N4BP2L2: variants seen among roughly 807,000 people sequenced by gnomAD.
N4BP2L2 encodes the protein NEDD4-binding protein 2-like 2.
Under a neutral mutation model 56.2 loss-of-function variants are expected in N4BP2L2, and 50 were observed. The ratio of observed to expected loss-of-function variants is 0.89; its 90% CI spans 0.71 to 1.13. The LOEUF (loss-of-function observed/expected upper bound fraction) is 1.13. Among genes scored for constraint, N4BP2L2 ranks in the 50% most tolerant of loss-of-function variants. The pLI is 0.00. For missense variants in N4BP2L2, 689 were observed against 693.8 expected (o/e 0.99, Z 0.08); for synonymous variants, 203 against 223.6 (o/e 0.91, Z 0.82).
At chr13:32,455,738 C>A (rs1015816908) in intron 6 of N4BP2L2, among the ~76,000 whole-genome samples, 3 of 152,176 alleles carry the variant, frequency 2.0e-5, no homozygotes, top group Non-Finnish European at 4.4e-5. Context: ...AAGCCCACTA[C>A]CCTGGGGCCT....
At chr13:32,503,437 T>C (rs1367946418) in intron 6 of N4BP2L2, among the ~76,000 whole-genome samples, 1 of 152,092 alleles carries the variant, frequency 6.6e-6, no homozygotes, top group Non-Finnish European at 1.5e-5. Context: ...AAAGCAAGAC[T>C]AGTATTAATC....
At chr13:32,493,933 C>T (rs2087811899) in intron 6 of N4BP2L2, among the ~76,000 whole-genome samples, 1 of 152,110 alleles carries the variant, frequency 6.6e-6, no homozygotes, top group African/African-American at 2.4e-5. Context: ...TGACTGTAAG[C>T]GGTAAGTTAT....
chr13:32,476,250 G>A (rs1478697264), intron 6 of N4BP2L2, among the ~76,000 whole-genome samples: 1 of 152,152 alleles, frequency 6.6e-6, no homozygotes, highest in Admixed American at 6.6e-5. Flanking sequence ...TGTAAACTTA[G>A]GGCTTTTTGT....
intron 6 of N4BP2L2, among the ~76,000 whole-genome samples, chr13:32,454,476 A>G (rs2078623428): frequency 6.6e-6 from 1 of 152,180 alleles, no homozygotes; most frequent in Admixed American, 6.5e-5. Flanking sequence ...TAAAATTTCT[A>G]ATTTTCACAA....
intron 3 of N4BP2L2, chr13:32,524,340 A>T (rs1813155575): frequency 3.3e-5 from 5 of 152,242 alleles, no homozygotes; most frequent in Admixed American, 2.0e-4. Context: ...CCAGAAAAGA[A>T]GTTTTATTGA....
At chr13:32,538,325 G>A (rs1337316722) in intron 1 of N4BP2L2, among the ~76,000 whole-genome samples, 1 of 152,100 alleles carries the variant, frequency 6.6e-6, no homozygotes, top group African/African-American at 2.4e-5. Context: ...GAAAAGTCCC[G>A]AAGAAAAGCA....
At chr13:32,457,325 G>C (rs2079139505) in intron 6 of N4BP2L2, among the ~76,000 whole-genome samples, 1 of 152,160 alleles carries the variant, frequency 6.6e-6, no homozygotes, top group African/African-American at 2.4e-5. Flanking sequence ...TAATGAAATA[G>C]TAGCTGAAAA....
chr13:32,475,533 A>G (rs1421228847), intron 6 of N4BP2L2, among the ~76,000 whole-genome samples: 1 of 152,220 alleles, frequency 6.6e-6, no homozygotes, highest in African/African-American at 2.4e-5. Context: ...TACATAATGC[A>G]CAGGGAAGGC....
intron 6 of N4BP2L2, among the ~76,000 whole-genome samples, chr13:32,500,468 T>C (rs1486085427): frequency 6.6e-6 from 1 of 150,794 alleles, no homozygotes; most frequent in Non-Finnish European, 1.5e-5. Flanking sequence ...GCAGTGGCTC[T>C]TGCCCATAAT....
chr13:32,492,273 ATTT>A (rs72053635), intron 6 of N4BP2L2, among the ~76,000 whole-genome samples: 19 of 72,136 alleles, frequency 2.6e-4, no homozygotes, highest in African/African-American at 6.2e-4. Flanking sequence ...AAACACCAAA[ATTT>A]TTTTTTTTTT....
intron 6 of N4BP2L2, among the ~76,000 whole-genome samples, chr13:32,479,414 C>T (rs2084084001): frequency 6.6e-6 from 1 of 151,518 alleles, no homozygotes; most frequent in African/African-American, 2.4e-5. Context: ...ACTACAGGCG[C>T]CCGCCACCAC....
chr13:32,525,308 C>T (rs2052397273), intron 3 of N4BP2L2: 1 of 152,052 alleles, frequency 6.6e-6, no homozygotes, highest in African/African-American at 2.4e-5. Flanking sequence ...CTATGCCACC[C>T]TCTAATATAT....
rs35925361 is a variant in N4BP2L2 at position 32,526,818 on chromosome 13, G to GTTTTTTTTTTTTTTTTTTTTTTTTTTTTT, written c.1384+589_1384+590insAAAAAAAAAAAAAAAAAAAAAAAAAAAAA. On this transcript the variant is annotated intron_variant, in intron 3 of 5. Coordinates refer to ENST00000267068, the Ensembl canonical transcript of N4BP2L2. ...CTGAGGCCAGGCACACTTTTTGTCT[G>GTTTTTTTTTTTTTTTTTTTTTTTTTTTTT]TTTTTTTTTTTTTTTTTTTTTTTTT... The GTTTTTTTTTTTTTTTTTTTTTTTTTTTTT allele has an allele frequency of 1.6e-4, 4 of 24,244 alleles. 2 individuals carry two copies. The highest frequency in any genetic ancestry group is 5.5e-4 in the African/African-American group (4 of 7,326). The allele number at this position is 24,244 out of a possible 1,614,324, so 1.5% of individuals were successfully genotyped here.
chr13:32,434,651 G>A (rs2075272302), intron 9 of N4BP2L2, among the ~76,000 whole-genome samples: 1 of 152,118 alleles, frequency 6.6e-6, no homozygotes, highest in African/African-American at 2.4e-5. Flanking sequence ...GCACCGACTT[G>A]TGGCTCCCAG....
intron 6 of N4BP2L2, among the ~76,000 whole-genome samples, chr13:32,502,315 G>A (rs945025796): frequency 6.6e-6 from 1 of 151,972 alleles, no homozygotes; most frequent in South Asian, 2.1e-4. Flanking sequence ...GGCCTCATGT[G>A]ATCCACCCTC....
chr13:32,530,167 A>C (rs1295818574), intron 2 of N4BP2L2, among the ~76,000 whole-genome samples: 3 of 152,244 alleles, frequency 2.0e-5, no homozygotes, highest in Admixed American at 6.5e-5. Flanking sequence ...TCAACAATAC[A>C]TATGAACAAA....
rs35925361 is a variant in N4BP2L2, at chr13:32,526,818, G to GTTTTTTTTTTTTTTTTTTTTTTTTTTT, written c.1384+563_1384+589dup. ...CTGAGGCCAGGCACACTTTTTGTCT[G>GTTTTTTTTTTTTTTTTTTTTTTTTTTT]TTTTTTTTTTTTTTTTTTTTTTTTT... On this transcript the variant is annotated intron_variant, in intron 3 of 5. Transcript: ENST00000267068. 1.2e-4 allele frequency: 3 copies of GTTTTTTTTTTTTTTTTTTTTTTTTTTT among 24,244 alleles called. 1 individual carries two copies. Among genetic ancestry groups the GTTTTTTTTTTTTTTTTTTTTTTTTTTT allele is most frequent in the African/African-American group, 4.1e-4 (3 of 7,326 alleles). 1.5% of individuals were successfully genotyped at this position (24,244 alleles called of 1,614,324 possible).
exon 2 of N4BP2L2, chr13:32,536,432 G>A (rs756378236): frequency 4.6e-5 from 74 of 1,613,672 alleles, no homozygotes; most frequent in Non-Finnish European, 5.8e-5. Context: ...TTGTTCCTGA[G>A]AAGGTTCAGA....
intron 9 of N4BP2L2, among the ~76,000 whole-genome samples, chr13:32,434,256 C>T (rs1207949): frequency 0.66 from 83,999 of 127,074 alleles, 27,164 homozygotes; most frequent in East Asian, 0.87. Flanking sequence ...TTCTTTTTTT[C>T]TTTTTTTTTT....
Sources: gnomAD v4.1 joint callset for allele counts (sites outside exome capture counted in the v4.1 genomes callset) on GRCh38, gnomAD v4.1.1 for gene constraint, MANE v1.5 for transcripts, NCBI Gene and HGNC (gene_info 2026-07-23, HGNC 2026-07-21) for gene names.